ACTR1B: variants seen among roughly 807,000 people sequenced by gnomAD.
ACTR1B encodes the protein beta-centractin.
A neutral mutation model predicts 49.4 loss-of-function variants in ACTR1B; 34 were observed. The observed-to-expected ratio is 0.69, with a 90% CI of 0.52 to 0.92. The LOEUF is 0.92. Among genes scored for constraint, ACTR1B ranks in the 40% least tolerant of loss-of-function variants. ACTR1B has a pLI of 0.00. For synonymous variants in ACTR1B, 207 were observed against 207.8 expected, an observed-to-expected ratio of 1.00 and a Z score of 0.03; for missense variants, 471 against 522.4, an observed-to-expected ratio of 0.90 and a Z score of 0.96.
chr2:97,657,252 C>G (rs1674869483), intron 9 of ACTR1B, 60 bp from the exon 10 acceptor site: 2 of 1,596,400 alleles, frequency 1.3e-6, no homozygotes, highest in South Asian at 1.1e-5. Flanking sequence ...ATCCTCCCAG[C>G]CTTGGGGTCA....
Position 97,659,242 on chromosome 2 carries a change from G to T in ACTR1B, c.315+110C>A. On this transcript the variant is annotated intron_variant, in intron 4 of 10. Coordinates refer to ENST00000289228, the MANE Select transcript of ACTR1B (RefSeq NM_005735.4). This position sits in a 1 kb window ranked among gnomAD's most constrained non-coding sequence, Gnocchi z 4.0. ...CCCAGACACACACGGAAAGGCAGCA[G>T]GCCCTCTAGAAATGTAGAAGGGAAA... is the stretch of plus-strand genomic sequence containing the variant. The T allele has an allele frequency of 2.0e-6, 3 of 1,535,004 alleles. No homozygotes were observed. In the South Asian group the frequency reaches 3.6e-5, roughly 18 times the overall value.
chr2:97,659,577 A>C lies in ACTR1B; in HGVS notation c.190-100T>G, dbSNP rs13006486. 1 of 448,138 alleles carries C rather than the reference A, an allele frequency of 2.2e-6. No individual in the cohort carries two copies. The highest frequency in any genetic ancestry group is 4.4e-6 in the Non-Finnish European group (1 of 228,602). 27.8% of individuals were successfully genotyped at this position (448,138 alleles called of 1,614,324 possible). ...CCTCACCTGCCCTGACCAGAACCTC[A>C]CCTGCCCTGACCAGAACCACCCCTG... On this transcript the variant is annotated intron_variant, in intron 3 of 10. Transcript: ENST00000289228. This position sits in a 1 kb window ranked among gnomAD's most constrained non-coding sequence, Gnocchi z 4.0.
Position 97,659,577 on chromosome 2 carries a change from A to G in ACTR1B, c.190-100T>C, listed in dbSNP as rs13006486. 8.9e-6 allele frequency: 4 copies of G among 448,138 alleles called. No homozygotes were observed. Among genetic ancestry groups the G allele is most frequent in the African/African-American group, 3.7e-5 (2 of 54,688 alleles). The allele number at this position is 448,138 out of a possible 1,614,324, so 27.8% of individuals were successfully genotyped here. A position where few individuals can be genotyped will look rare whatever the true frequency, so the allele number is the denominator to read the frequency against. ...CCTCACCTGCCCTGACCAGAACCTC[A>G]CCTGCCCTGACCAGAACCACCCCTG... On this transcript the variant is annotated intron_variant, in intron 3 of 10. Transcript: ENST00000289228. This position sits in a 1 kb window ranked among gnomAD's most constrained non-coding sequence, Gnocchi z 4.0.
At chr2:97,657,789 A>G (rs1183557313) in intron 8 of ACTR1B, among the ~76,000 whole-genome samples, 154 bp downstream of exon 8, 8 of 152,234 alleles carry the variant, frequency 5.3e-5, no homozygotes, top group African/African-American at 7.2e-5. Flanking sequence ...CAGAGTAAAC[A>G]AAATTTAATT....
intron 1 of ACTR1B, 113 bp downstream of exon 1, chr2:97,663,729 AC>A: frequency 1.9e-6 from 1 of 519,000 alleles, no homozygotes; most frequent in Non-Finnish European, 2.7e-6. Flanking sequence ...GGCGGGGGCG[AC>A]GGCCACGCAG....
intron 1 of ACTR1B, 78 bp downstream of exon 1, chr2:97,663,765 G>T (rs1675100242): frequency 1.0e-6 from 1 of 963,526 alleles, no homozygotes. Context: ...GCCGAGGCGG[G>T]CGGGGGTCTC....
chr2:97,661,737 C>A lies in ACTR1B; in HGVS notation c.113+145G>T. The A allele has an allele frequency of 4.0e-6, 3 of 749,920 alleles. No homozygotes were observed. In the South Asian group the frequency reaches 5.2e-5, roughly 13 times the overall value. 46.5% of individuals were successfully genotyped at this position (749,920 alleles called of 1,614,324 possible). On this transcript the variant is annotated intron_variant, in intron 2 of 10. Transcript: ENST00000289228. ...ACGCTTGTCTTGTTCTTTCAGTGCTCTCTCAAGAGTGTCAACCTCACAAAT... is the reference window on the plus strand; with the variant it reads ...ACGCTTGTCTTGTTCTTTCAGTGCTATCTCAAGAGTGTCAACCTCACAAAT...
rs1674964167 is a variant in ACTR1B, at chr2:97,659,830, C to T, written c.190-353G>A. 3 of 344,758 alleles carry T rather than the reference C, an allele frequency of 8.7e-6. No individual in the cohort carries two copies. The highest frequency in any genetic ancestry group is 7.0e-5 in the East Asian group (1 of 14,332). 21.4% of individuals were successfully genotyped at this position (344,758 alleles called of 1,614,324 possible). A position where few individuals can be genotyped will look rare whatever the true frequency, so the allele number is the denominator to read the frequency against. ...GCTCCCCTCTGGCCAGCGCCGGCAC[C>T]TTGCAGCCGCCCAACACGGCCCCTC... On this transcript the variant is annotated intron_variant, in intron 3 of 10. Coordinates refer to ENST00000289228, the MANE Select transcript of ACTR1B (RefSeq NM_005735.4). This position sits in a 1 kb window ranked among gnomAD's most constrained non-coding sequence, Gnocchi z 4.0.
rs572133430 is a variant in ACTR1B at position 97,662,527 on chromosome 2, C to T, written c.49-581G>A. 3.3e-5 allele frequency among the ~76,000 whole-genome samples: 5 copies of T among 152,098 alleles called. No individual in the cohort carries two copies. In the South Asian group the frequency reaches 1.0e-3, roughly 32 times the overall value. On this transcript the variant is annotated intron_variant, in intron 1 of 10. Transcript: ENST00000289228. ...GCATGGGATGACCGGCAGCTTCCCT[C>T]AAGTGGCTTCCCAGAGACTACTAGG...
chr2:97,659,707 GATC>G lies in ACTR1B; in HGVS notation c.190-233_190-231del, dbSNP rs1674961153. ...GAGCCCAGCTAGCTTCAGCTGGGGG[GATC>G]AGAGAGGGTGGCAGTGTGCCCCGCA... On this transcript the variant is annotated intron_variant, in intron 3 of 10. Coordinates refer to ENST00000289228, the MANE Select transcript of ACTR1B (RefSeq NM_005735.4). This position sits in a 1 kb window ranked among gnomAD's most constrained non-coding sequence, Gnocchi z 4.0. The G allele has an allele frequency of 5.0e-6, 3 of 595,966 alleles. No individual in the cohort carries two copies. The South Asian group carries it at 6.1e-5, about 12-fold the overall frequency. 36.9% of individuals were successfully genotyped at this position (595,966 alleles called of 1,614,324 possible). A position where few individuals can be genotyped will look rare whatever the true frequency, so the allele number is the denominator to read the frequency against.
intron 1 of ACTR1B, 27 bp downstream of exon 1, chr2:97,663,816 G>A (rs746003883): frequency 5.1e-6 from 7 of 1,363,844 alleles, no homozygotes; most frequent in South Asian, 1.5e-5. Context: ...CGGGGCGCCC[G>A]CCCTCCCCCT....
chr2:97,660,501 C>T (rs1674983096), intron 3 of ACTR1B, 70 bp downstream of exon 3: 6 of 1,519,910 alleles, frequency 3.9e-6, no homozygotes, highest in Admixed American at 3.4e-5. Flanking sequence ...AGCAGAGGCC[C>T]AAGAACACAT....
Position 97,663,065 on chromosome 2 carries a change from C to G in ACTR1B, c.48+778G>C, listed in dbSNP as rs34738076. On this transcript the variant is annotated intron_variant, in intron 1 of 10. Coordinates refer to ENST00000289228, the MANE Select transcript of ACTR1B (RefSeq NM_005735.4). Reference sequence around the variant, plus strand: ...CCGGACGCACATACCCAGCTAGGGGCAGACTCAAAGATCCCAGCCCTTATC... The same window carrying G: ...CCGGACGCACATACCCAGCTAGGGGGAGACTCAAAGATCCCAGCCCTTATC... 6.9e-3 allele frequency among the ~76,000 whole-genome samples: 1,054 copies of G among 152,308 alleles called. 4 individuals carry two copies. Among genetic ancestry groups the G allele is most frequent in the Non-Finnish European group, 0.01 (702 of 68,026 alleles).
At chr2:97,657,326 G>C in intron 9 of ACTR1B, 122 bp downstream of exon 9, 2 of 1,485,178 alleles carry the variant, frequency 1.3e-6, no homozygotes, top group Non-Finnish European at 1.9e-6. Flanking sequence ...CAGCAGCCTT[G>C]GGAAGAACAG....
rs556467302 is a variant in ACTR1B at position 97,656,410 on chromosome 2, C to T, written c.*448G>A. The T allele has an allele frequency of 2.7e-5, 6 of 218,984 alleles. No individual in the cohort carries two copies. In the South Asian group the frequency reaches 3.9e-4, roughly 14 times the overall value. 13.6% of individuals were successfully genotyped at this position (218,984 alleles called of 1,614,324 possible). On this transcript the variant is annotated 3_prime_UTR_variant, in exon 11 of 11. Transcript: ENST00000289228. ...ACAGAGTGTGAAAGGGGCTGTGTCACCCTGTCAGGTCACGAACAGGAGGTG... is the reference window on the plus strand; with the variant it reads ...ACAGAGTGTGAAAGGGGCTGTGTCATCCTGTCAGGTCACGAACAGGAGGTG...
In ACTR1B at chr2:97,658,173, C is replaced by T. The variant is rs770221814; in HGVS notation, c.750+51G>A. ...TTCCTGGAGAAGCGGGCTACCCCTT[C>T]CCCCAGGCTGGGCATCGGCTGCCAC... On this transcript the variant is annotated intron_variant, in intron 7 of 10. Transcript: ENST00000289228. This position sits in a 1 kb window ranked among gnomAD's most constrained non-coding sequence, Gnocchi z 5.9. 7.4e-6 allele frequency: 12 copies of T among 1,613,212 alleles called. No individual in the cohort carries two copies. Among genetic ancestry groups the T allele is most frequent in the South Asian group, 3.3e-5 (3 of 91,082 alleles).
In ACTR1B at chr2:97,659,256, G is replaced by A. The variant is rs1217390631; in HGVS notation, c.315+96C>T. On this transcript the variant is annotated intron_variant, in intron 4 of 10. Coordinates refer to ENST00000289228, the MANE Select transcript of ACTR1B (RefSeq NM_005735.4). This position sits in a 1 kb window ranked among gnomAD's most constrained non-coding sequence, Gnocchi z 4.0. ...GAAAGGCAGCAGGCCCTCTAGAAAT[G>A]TAGAAGGGAAATGTGGGAGCCCGGC... is the stretch of plus-strand genomic sequence containing the variant. The A allele has an allele frequency of 6.4e-7, 1 of 1,570,502 alleles. No individual in the cohort carries two copies. The highest frequency in any genetic ancestry group is 8.7e-7 in the Non-Finnish European group (1 of 1,154,174).
chr2:97,662,035 G>A (rs926819824), intron 1 of ACTR1B, 89 bp from the exon 2 acceptor site: 2 of 1,359,094 alleles, frequency 1.5e-6, no homozygotes, highest in Non-Finnish European at 2.1e-6. Flanking sequence ...GCCCCGTCAA[G>A]GCAGGCCAAG....
chr2:97,663,953 GC>G lies in ACTR1B; in HGVS notation c.-64del. The G allele has an allele frequency of 2.2e-6, 2 of 898,800 alleles. No individual in the cohort carries two copies. Among genetic ancestry groups the G allele is most frequent in the Non-Finnish European group, 3.0e-6 (2 of 674,822 alleles). The allele number at this position is 898,800 out of a possible 1,614,324, so 55.7% of individuals were successfully genotyped here. ...CAGGAGGCACCGGATGGGCGGGCGG[GC>G]GGGAGGACCGGGACGGCGGCGGCTC... is the stretch of plus-strand genomic sequence containing the variant. On this transcript the variant is annotated 5_prime_UTR_variant, in exon 1 of 11. Coordinates refer to ENST00000289228, the MANE Select transcript of ACTR1B (RefSeq NM_005735.4).
Sources: gnomAD v4.1 joint callset for allele counts (sites outside exome capture counted in the v4.1 genomes callset) on GRCh38, gnomAD v4.1.1 for gene constraint, Gnocchi (gnomAD v3.1) non-coding constraint, MANE v1.5 for transcripts, NCBI Gene and HGNC (gene_info 2026-07-23, HGNC 2026-07-21) for gene names.